Variants in PTPRD observed in about 807,000 individuals in gnomAD.
PTPRD encodes protein tyrosine phosphatase receptor type D.
PTPRD carries 34 observed loss-of-function variants against 214.5 expected under a neutral mutation model. The observed-to-expected ratio is 0.16, with a 90% CI of 0.12 to 0.21. The LOEUF (loss-of-function observed/expected upper bound fraction) is 0.21. Ranked by LOEUF, PTPRD falls within the 10% of genes least tolerant of loss-of-function variation. The pLI is 1.00. For synonymous variants in PTPRD, 1,128 were observed against 845.7 expected, an observed-to-expected ratio of 1.33 and a Z score of -5.79; for missense variants, 2,545 against 2,398.7, an observed-to-expected ratio of 1.06 and a Z score of -1.27.
At chr9:10,011,374 G>C (rs962420784) in intron 4 of PTPRD, among the ~76,000 whole-genome samples, 2 of 151,930 alleles carry the variant, frequency 1.3e-5, no homozygotes, top group Non-Finnish European at 1.5e-5. Flanking sequence ...GAGATATCAA[G>C]AAGCTGGCAT....
At chr9:10,202,904 C>T (rs976343197) in intron 3 of PTPRD, among the ~76,000 whole-genome samples, 3 of 151,764 alleles carry the variant, frequency 2.0e-5, no homozygotes, top group Non-Finnish European at 4.4e-5. Flanking sequence ...TTACCAGACA[C>T]TGAATCTGTG....
At chr9:9,370,154 A>C (rs923206558) in intron 9 of PTPRD, among the ~76,000 whole-genome samples, 7 of 152,080 alleles carry the variant, frequency 4.6e-5, no homozygotes, top group African/African-American at 1.4e-4. Flanking sequence ...GAAGAAAGTC[A>C]TTGGTAGCTT....
rs12338868 is a variant in PTPRD, at chr9:8,509,502, C to T, written c.1544-2068G>A. Among the ~76,000 whole-genome samples the T allele has an allele frequency of 4.5e-3, 689 of 152,208 alleles. 5 individuals are homozygous for T. Among genetic ancestry groups the T allele is most frequent in the African/African-American group, 0.016 (651 of 41,514 alleles). On this transcript the variant is annotated intron_variant, in intron 21 of 45. Transcript: ENST00000381196. Reference sequence around the variant, plus strand: ...TGTTAACTCCTGACTCAAACCAAACCGGACTACAGTATGGTCAAGAATTAG... The same window carrying T: ...TGTTAACTCCTGACTCAAACCAAACTGGACTACAGTATGGTCAAGAATTAG...
At position 8,618,913 on chromosome 9, in the gene PTPRD, TG is replaced by T. The variant is rs148257581; in HGVS notation, c.352+14403del. On this transcript the variant is annotated intron_variant, in intron 14 of 45. Transcript: ENST00000381196. ...GTGTGTGTGTTTGTCTGTGTTTTTT[TG>T]TTTTTTTTTTTTTTTTTTTTTTTTT... is the stretch of plus-strand genomic sequence containing the variant. Among the ~76,000 whole-genome samples, 110 of 86,842 alleles carry T rather than the reference TG, an allele frequency of 1.3e-3. 1 individual carries two copies. Among genetic ancestry groups the T allele is most frequent in the East Asian group, 5.0e-3 (14 of 2,784 alleles). The allele number at this position is 86,842 out of a possible 152,430, so 57.0% of individuals were successfully genotyped here. A position where few individuals can be genotyped will look rare whatever the true frequency, so the allele number is the denominator to read the frequency against.
chr9:10,105,173 T>G (rs1371182321), intron 3 of PTPRD, among the ~76,000 whole-genome samples: 2 of 151,786 alleles, frequency 1.3e-5, no homozygotes, highest in African/African-American at 4.8e-5. Context: ...TTTACTGATT[T>G]TTTTTCTAAT....
At chr9:9,776,270 C>G (rs932659720) in intron 5 of PTPRD, among the ~76,000 whole-genome samples, 2 of 152,278 alleles carry the variant, frequency 1.3e-5, no homozygotes. Context: ...TCTACTGAGG[C>G]TAATTCTTTC....
intron 3 of PTPRD, among the ~76,000 whole-genome samples, chr9:10,113,880 G>A (rs1464935541): frequency 2.0e-5 from 3 of 152,286 alleles, no homozygotes; most frequent in Middle Eastern, 3.4e-3. Flanking sequence ...TCTGGGAAAA[G>A]ACTCAGCTGT....
At chr9:9,980,464 C>G (rs531624420) in intron 4 of PTPRD, among the ~76,000 whole-genome samples, 1 of 151,316 alleles carries the variant, frequency 6.6e-6, no homozygotes, top group Non-Finnish European at 1.5e-5. Flanking sequence ...AAAAATTAGC[C>G]GGGCATAGTG....
intron 12 of PTPRD, among the ~76,000 whole-genome samples, chr9:8,694,773 T>C (rs890344558): frequency 2.0e-5 from 3 of 152,198 alleles, no homozygotes; most frequent in Non-Finnish European, 4.4e-5. Context: ...CTACCTATTT[T>C]TTTTTCTATG....
chr9:8,323,894 T>G (rs576008441), intron 44 of PTPRD, among the ~76,000 whole-genome samples: 2 of 152,288 alleles, frequency 1.3e-5, no homozygotes, highest in Non-Finnish European at 2.9e-5. Context: ...CAAACAACAT[T>G]GCATGGTGCA....
intron 5 of PTPRD, among the ~76,000 whole-genome samples, chr9:9,772,070 G>C (rs968111390): frequency 3.3e-5 from 5 of 152,076 alleles, no homozygotes; most frequent in South Asian, 2.1e-4. Flanking sequence ...CAGAGTATAA[G>C]TGTATTTAGA....
intron 12 of PTPRD, among the ~76,000 whole-genome samples, chr9:8,691,710 C>A (rs995263631): frequency 2.0e-5 from 3 of 152,150 alleles, no homozygotes; most frequent in African/African-American, 7.2e-5. Flanking sequence ...TCAGTACTTG[C>A]CAGCTTTCTT....
chr9:8,848,313 C>CT (rs371491854), intron 11 of PTPRD, among the ~76,000 whole-genome samples: 1,422 of 132,218 alleles, frequency 0.011, 21 homozygotes, highest in African/African-American at 0.035. Context: ...AAGATTTTTC[C>CT]TTTTTTTTTT....
At chr9:8,816,826 G>C (rs1346196413) in intron 11 of PTPRD, among the ~76,000 whole-genome samples, 2 of 152,178 alleles carry the variant, frequency 1.3e-5, no homozygotes, top group Admixed American at 6.5e-5. Flanking sequence ...ATTTTACCTA[G>C]CAGTACAAGC....
At chr9:9,884,353 C>T (rs1177349235) in intron 5 of PTPRD, among the ~76,000 whole-genome samples, 1 of 152,128 alleles carries the variant, frequency 6.6e-6, no homozygotes, top group Non-Finnish European at 1.5e-5. Flanking sequence ...AAAGCAACAA[C>T]ATCTATTCTT....
At position 9,337,030 on chromosome 9, in the gene PTPRD, T is replaced by C. The variant is rs555263363; in HGVS notation, c.-203+60419A>G. Among the ~76,000 whole-genome samples, 5 of 152,192 alleles carry C rather than the reference T, an allele frequency of 3.3e-5. No individual in the cohort carries two copies. In the East Asian group the frequency reaches 9.6e-4, roughly 29 times the overall value. Reference sequence around the variant, plus strand: ...AATTTAAAAATTTTTAAAAGCAAAATACATTGTCAAAAATTTTCTACACAT... The same window carrying C: ...AATTTAAAAATTTTTAAAAGCAAAACACATTGTCAAAAATTTTCTACACAT... On this transcript the variant is annotated intron_variant, in intron 9 of 45. Transcript: ENST00000381196.
rs1390117062 is a variant in PTPRD, at chr9:8,840,890, G to T, written c.-103-106944C>A. ...GCTCTGGTACTGCATCTTCTACAGT[G>T]CATGTAACGATATGTACAAGGGACT... On this transcript the variant is annotated intron_variant, in intron 11 of 45. Coordinates refer to ENST00000381196, the MANE Select transcript of PTPRD (RefSeq NM_002839.4). Among the ~76,000 whole-genome samples, 5 of 152,130 alleles carry T rather than the reference G, an allele frequency of 3.3e-5. No homozygotes were observed. In the South Asian group the frequency reaches 8.3e-4, roughly 25 times the overall value.
chr9:9,252,052 G>T (rs537829913), intron 9 of PTPRD, among the ~76,000 whole-genome samples: 1 of 151,862 alleles, frequency 6.6e-6, no homozygotes, highest in Admixed American at 6.6e-5. Flanking sequence ...CATTTGCCAC[G>T]GGATTTCTTT....
At chr9:8,357,333 C>T (rs2077216519) in intron 39 of PTPRD, among the ~76,000 whole-genome samples, 1 of 152,200 alleles carries the variant, frequency 6.6e-6, no homozygotes, top group Non-Finnish European at 1.5e-5. Flanking sequence ...CTCATTTTAG[C>T]AGCTCACCAA....
Sources: allele counts gnomAD v4.1 joint callset (sites outside exome capture counted in the v4.1 genomes callset), GRCh38; gene constraint gnomAD v4.1.1; transcripts MANE v1.5; gene names NCBI Gene and HGNC (gene_info 2026-07-23, HGNC 2026-07-21).